Variants in ADARB2 observed in about 807,000 individuals in gnomAD.
ADARB2 encodes inactive double-stranded RNA-specific editase B2.
ADARB2 carries 25 observed loss-of-function variants against 62.2 expected under a neutral mutation model. The ratio of observed to expected loss-of-function variants is 0.40; its 90% CI spans 0.29 to 0.56. The LOEUF (loss-of-function observed/expected upper bound fraction) is 0.56, where lower values mean the gene tolerates loss of function less well. ADARB2 is among the 20% of genes least tolerant of loss of function. ADARB2 has a pLI of 0.43. For missense variants in ADARB2, 1,071 were observed against 1,077.4 expected (o/e 0.99, Z 0.08); for synonymous variants, 572 against 500.8 (o/e 1.14, Z -1.90).
chr10:1,712,671 G>C (rs59632786), intron 1 of ADARB2, among the ~76,000 whole-genome samples: 3 of 133,482 alleles, frequency 2.2e-5, no homozygotes, highest in Non-Finnish European at 3.2e-5. Context: ...GCACTGGGCG[G>C]GATCTCGGTT....
At chr10:1,369,346 C>T (rs1832344399) in intron 2 of ADARB2, among the ~76,000 whole-genome samples, 1 of 152,110 alleles carries the variant, frequency 6.6e-6, no homozygotes, top group Non-Finnish European at 1.5e-5. Context: ...CGAATTCCTG[C>T]ACTCACCAGG....
At chr10:1,556,371 T>C (rs1832702912) in intron 1 of ADARB2, among the ~76,000 whole-genome samples, 1 of 152,088 alleles carries the variant, frequency 6.6e-6, no homozygotes, top group Non-Finnish European at 1.5e-5. Context: ...GGATTTGTGT[T>C]TCCACTTTTC....
intron 6 of ADARB2, among the ~76,000 whole-genome samples, chr10:1,221,418 T>TTTA (rs949138118): frequency 6.6e-6 from 1 of 151,758 alleles, no homozygotes; most frequent in African/African-American, 2.4e-5. Context: ...TTTTTTTAAT[T>TTTA]TTATTATTAT....
At chr10:1,533,869 C>T (rs189983976) in intron 1 of ADARB2, among the ~76,000 whole-genome samples, 77 of 152,274 alleles carry the variant, frequency 5.1e-4, no homozygotes, top group African/African-American at 1.8e-3. Context: ...GGAGGCTAGT[C>T]CACGTTCACC....
chr10:1,414,877 T>C (rs1264834539), intron 1 of ADARB2, among the ~76,000 whole-genome samples: 1 of 152,186 alleles, frequency 6.6e-6, no homozygotes, highest in East Asian at 1.9e-4. Context: ...GATGAGTGGC[T>C]CATGGATGGT....
chr10:1,366,864 C>A (rs556964986), intron 2 of ADARB2, among the ~76,000 whole-genome samples: 1 of 152,316 alleles, frequency 6.6e-6, no homozygotes, highest in East Asian at 1.9e-4. Context: ...TGGGGACAGG[C>A]TCTTCTGCCA....
At chr10:1,447,132 G>T (rs1830979944) in intron 1 of ADARB2, among the ~76,000 whole-genome samples, 2 of 152,180 alleles carry the variant, frequency 1.3e-5, no homozygotes, top group South Asian at 4.1e-4. Flanking sequence ...GATTCAATTA[G>T]CAGCCTTCGG....
intron 2 of ADARB2, among the ~76,000 whole-genome samples, chr10:1,375,854 A>G (rs1452226256): frequency 1.3e-5 from 2 of 149,078 alleles, no homozygotes; most frequent in Non-Finnish European, 3.0e-5. Flanking sequence ...ACATGCACAC[A>G]CATGCACATG....
At chr10:1,298,364 T>C (rs1291364654) in intron 3 of ADARB2, among the ~76,000 whole-genome samples, 2 of 152,230 alleles carry the variant, frequency 1.3e-5, no homozygotes, top group Non-Finnish European at 2.9e-5. Flanking sequence ...CTTAAGGGTT[T>C]CCATGGAGTC....
rs375941859 is a variant in ADARB2 at position 1,736,388 on chromosome 10, G to A, written c.100+663C>T. On this transcript the variant is annotated intron_variant, in intron 1 of 9. Coordinates refer to ENST00000381312, the MANE Select transcript of ADARB2 (RefSeq NM_018702.4). The stretch of plus-strand genomic sequence containing the variant: ...CAAGGCACAGCTGAGTTTGTCAGTG[G>A]CCGCTGTCAGCCGGCTGCTTTTCCT... 2.6e-5 allele frequency among the ~76,000 whole-genome samples: 4 copies of A among 152,318 alleles called. No homozygotes were observed. In the East Asian group the frequency reaches 7.7e-4, roughly 29 times the overall value.
At chr10:1,424,383 C>T (rs369363150) in intron 1 of ADARB2, among the ~76,000 whole-genome samples, 16 of 152,146 alleles carry the variant, frequency 1.1e-4, no homozygotes, top group African/African-American at 2.9e-4. Context: ...CTGTGAGAAC[C>T]ATGTCAGAGC....
At chr10:1,723,399 C>T (rs939421554) in intron 1 of ADARB2, among the ~76,000 whole-genome samples, 7 of 152,208 alleles carry the variant, frequency 4.6e-5, no homozygotes, top group Non-Finnish European at 5.9e-5. Flanking sequence ...AAAGAACAGC[C>T]GGTGGGGCCG....
chr10:1,725,565 C>G (rs954896736), intron 1 of ADARB2, among the ~76,000 whole-genome samples: 8 of 151,848 alleles, frequency 5.3e-5, no homozygotes, highest in Admixed American at 3.3e-4. Flanking sequence ...GCAGGGAAAG[C>G]CCCCCACCAC....
rs1454304613 is a variant in ADARB2 at position 1,524,060 on chromosome 10, AGATAGAT to A, written c.101-144907_101-144901del. Among the ~76,000 whole-genome samples, 221 of 66,456 alleles carry A rather than the reference AGATAGAT, an allele frequency of 3.3e-3. 4 individuals carry two copies. The East Asian group carries it at 0.042, about 13-fold the overall frequency. 43.6% of individuals were successfully genotyped at this position (66,456 alleles called of 152,430 possible). On this transcript the variant is annotated intron_variant, in intron 1 of 9. Coordinates refer to ENST00000381312, the MANE Select transcript of ADARB2 (RefSeq NM_018702.4). ...TCTAGACAGTATCCTGGGGATATGA[AGATAGAT>A]AGATAGATAGATAGATAGATAGATA...
At chr10:1,412,062 T>G (rs1429005714) in intron 1 of ADARB2, among the ~76,000 whole-genome samples, 1 of 152,208 alleles carries the variant, frequency 6.6e-6, no homozygotes, top group East Asian at 1.9e-4. Flanking sequence ...AGGAGAGTGC[T>G]TGTCTTCCGA....
intron 1 of ADARB2, among the ~76,000 whole-genome samples, chr10:1,673,814 G>T (rs1003673431): frequency 6.6e-6 from 1 of 152,256 alleles, no homozygotes; most frequent in Admixed American, 6.5e-5. Context: ...TACCAGGAGG[G>T]GCAGCTGGGC....
At chr10:1,728,185 G>T (rs1412823904) in intron 1 of ADARB2, among the ~76,000 whole-genome samples, 2 of 152,046 alleles carry the variant, frequency 1.3e-5, no homozygotes, top group Non-Finnish European at 2.9e-5. Context: ...TTTATTAGTG[G>T]CAATGACAAA....
chr10:1,716,847 T>C (rs1290698916), intron 1 of ADARB2, among the ~76,000 whole-genome samples: 1 of 152,184 alleles, frequency 6.6e-6, no homozygotes, highest in African/African-American at 2.4e-5. Context: ...AGAGAAGATC[T>C]ACAAGAAAAA....
chr10:1,308,874 T>G (rs1035661454), intron 3 of ADARB2, among the ~76,000 whole-genome samples: 36 of 152,378 alleles, frequency 2.4e-4, no homozygotes, highest in African/African-American at 8.2e-4. Context: ...GCACTTTATT[T>G]TCTCAGCTGG....
Sources: allele counts gnomAD v4.1 joint callset (sites outside exome capture counted in the v4.1 genomes callset), GRCh38; gene constraint gnomAD v4.1.1; transcripts MANE v1.5; gene names NCBI Gene and HGNC (gene_info 2026-07-23, HGNC 2026-07-21).